The following ZNF219 variants were observed in gnomAD, a reference collection of about 807,000 sequenced individuals.
ZNF219 encodes zinc finger protein 219.
Under a neutral mutation model 54.4 loss-of-function variants are expected in ZNF219, and 17 were observed. That is an observed-to-expected ratio of 0.31 (90% CI 0.21 to 0.47). The LOEUF is 0.47. ZNF219 is among the 20% of genes least tolerant of loss of function. The pLI, the probability that ZNF219 is intolerant of heterozygous loss-of-function variation, is 1.00. For missense variants in ZNF219, 1,014 were observed against 1,062.3 expected (o/e 0.95, Z 0.63); for synonymous variants, 518 against 476.4 (o/e 1.09, Z -1.14).
chr14:21,090,787 C>T lies in ZNF219; in HGVS notation c.1918G>A (p.Gly640Arg). The T allele has an allele frequency of 2.5e-6, 4 of 1,588,216 alleles. No homozygotes were observed. The highest frequency in any genetic ancestry group is 2.3e-5 in the East Asian group (1 of 43,722). ...CAGCGGTGGAGGGCACCCCCAGGCC[C>T]GGCCTCGCCTCCCGGCCCTGCCCGC... is the stretch of plus-strand genomic sequence containing the variant. ...SLRAGPGGEAGPGGALHRCLF... is the reference protein window; with the variant it reads ...SLRAGPGGEARPGGALHRCLF... The change falls in exon 5 of 5, where the codon GGG becomes AGG. Residue 640 changes from glycine (G) to arginine (R), a missense_variant. Gly to Arg is a moderately radical substitution (Grantham distance 125). Transcript: ENST00000360947. The surrounding 1 kb of genome is among the most constrained non-coding windows in gnomAD (Gnocchi z 4.4).
chr14:21,103,646 T>C (rs1033794502), upstream of ZNF219: 1 of 177,818 alleles, frequency 5.6e-6, no homozygotes, highest in African/African-American at 2.4e-5. Context: ...TCCTTTCTAC[T>C]GTAGCGGAGA....
In ZNF219 at chr14:21,093,051, G is replaced by T. The variant is rs769448843; in HGVS notation, c.246C>A (p.Ala82=). The T allele has an allele frequency of 6.2e-7, 1 of 1,600,238 alleles. No individual in the cohort carries two copies. The highest frequency in any genetic ancestry group is 1.1e-5 in the South Asian group (1 of 90,316). The part of the protein sequence containing the change: ...LALHLRAHPG[A]QAFQCPHCGH... ...CGCAGTGAGGGCACTGGAAGGCCTG[G>T]GCTCCTGGGTGCGCCCGCAGGTGCA... Residue 82 remains alanine, a synonymous_variant, in exon 3 of 5, where the codon GCC becomes GCA. Transcript: ENST00000360947.
upstream of ZNF219, chr14:21,101,432 G>A: frequency 6.4e-7 from 1 of 1,551,442 alleles, no homozygotes; most frequent in Non-Finnish European, 8.7e-7. Context: ...AGGCAGAGTG[G>A]GCACCTCTTG....
chr14:21,093,180 C>G lies in ZNF219; in HGVS notation c.117G>C (p.Ser39=), dbSNP rs777433582. The G allele has an allele frequency of 6.2e-7, 1 of 1,609,208 alleles. No homozygotes were observed. The highest frequency in any genetic ancestry group is 8.5e-7 in the Non-Finnish European group (1 of 1,179,308). Residue 39 remains serine, a synonymous_variant, in exon 3 of 5, where the codon TCG becomes TCC. Coordinates refer to ENST00000360947, the MANE Select transcript of ZNF219 (RefSeq NM_016423.3). ...ACCAGCTCACCGCTCCCATCCCGAGCGACCCTGCGCTCACGGCTGGCCCGT... is the reference window on the plus strand; with the variant it reads ...ACCAGCTCACCGCTCCCATCCCGAGGGACCCTGCGCTCACGGCTGGCCCGT... ...YSNGPAVSAG[S]LGMGAVSWSE...
chr14:21,092,876 C>T lies in ZNF219; in HGVS notation c.421G>A (p.Gly141Arg). The change falls in exon 3 of 5, where the codon GGG becomes AGG. Residue 141 changes from glycine (G) to arginine (R), a missense_variant. Transcript: ENST00000360947. Reference protein sequence around the residue: ...EARLGRARSSGGMQATPATEG... With the variant: ...EARLGRARSSRGMQATPATEG... ...GTGGCAGGGGTGGCCTGCATGCCCC[C>T]TGAGCTTCGGGCTCTCCCCAGTCGG... is the stretch of plus-strand genomic sequence containing the variant. The T allele has an allele frequency of 1.3e-6, 2 of 1,548,086 alleles. No individual in the cohort carries two copies. Among genetic ancestry groups the T allele is most frequent in the Non-Finnish European group, 1.7e-6 (2 of 1,148,310 alleles).
At position 21,092,105 on chromosome 14, in the gene ZNF219, G is replaced by T; in HGVS notation, c.1192C>A (p.Pro398Thr). 1 of 1,530,464 alleles carries T rather than the reference G, an allele frequency of 6.5e-7. No individual in the cohort carries two copies. The allele number at this position is 1,530,464 out of a possible 1,614,324, so 94.8% of individuals were successfully genotyped here. A position where few individuals can be genotyped will look rare whatever the true frequency, so the allele number is the denominator to read the frequency against. Residue 398 changes from proline to threonine, a missense_variant, in exon 3 of 5, where the codon CCC (proline) becomes ACC (threonine). Transcript: ENST00000360947. Reference sequence around the variant, plus strand: ...CCTCCGAAGCTGCGGCCGGGACCGGGCTCAGCACCCTCGCCGTTGGGCCGG... The same window carrying T: ...CCTCCGAAGCTGCGGCCGGGACCGGTCTCAGCACCCTCGCCGTTGGGCCGG... ...EGRPNGEGAE[P>T]GPGRSFGGFR...
chr14:21,101,531 T>G, upstream of ZNF219: 2 of 1,313,356 alleles, frequency 1.5e-6, no homozygotes, highest in Non-Finnish European at 2.1e-6. Context: ...TCCATCCATG[T>G]TAAGTGAGCA....
Position 21,098,408 on chromosome 14 carries a change from G to T in ZNF219, c.-180C>A. 1 of 553,994 alleles carries T rather than the reference G, an allele frequency of 1.8e-6. No homozygotes were observed. The highest frequency in any genetic ancestry group is 7.6e-5 in the South Asian group (1 of 13,228). 34.3% of individuals were successfully genotyped at this position (553,994 alleles called of 1,614,324 possible). A position where few individuals can be genotyped will look rare whatever the true frequency, so the allele number is the denominator to read the frequency against. On this transcript the variant is annotated 5_prime_UTR_variant, in exon 1 of 5. Coordinates refer to ENST00000360947, the MANE Select transcript of ZNF219 (RefSeq NM_016423.3). Reference sequence around the variant, plus strand: ...GGGCGTCAGCGTTACGTGGGGCCGGGGGAGATGCGCCGGGCCCCGGCCCCC... The same window carrying T: ...GGGCGTCAGCGTTACGTGGGGCCGGTGGAGATGCGCCGGGCCCCGGCCCCC...
Position 21,093,618 on chromosome 14 carries a change from G to A in ZNF219, c.-27C>T. The stretch of plus-strand genomic sequence containing the variant: ...GACCCCCTTCACATTCTTTGGTTCT[G>A]GGAAGTGCAGGGAAGAGGAGGAAAA... On this transcript the variant is annotated 5_prime_UTR_variant, in exon 2 of 5. Coordinates refer to ENST00000360947, the MANE Select transcript of ZNF219 (RefSeq NM_016423.3). The A allele has an allele frequency of 6.2e-7, 1 of 1,614,102 alleles. No individual in the cohort carries two copies. The highest frequency in any genetic ancestry group is 8.5e-7 in the Non-Finnish European group (1 of 1,180,004).
upstream of ZNF219, chr14:21,103,328 C>T: frequency 6.7e-7 from 1 of 1,500,244 alleles, no homozygotes; most frequent in Non-Finnish European, 8.9e-7. Flanking sequence ...TCCTTCGAGT[C>T]CAATAGGAAG....
In ZNF219 at chr14:21,090,209, C is replaced by G. The variant is rs1177279680; in HGVS notation, c.*327G>C. ...GGTACAGTGCCCCCCACCCTCACCC[C>G]TTGTACAAAAATAAACTCTCACGCC... On this transcript the variant is annotated 3_prime_UTR_variant, in exon 5 of 5. Transcript: ENST00000360947. The surrounding 1 kb of genome is among the most constrained non-coding windows in gnomAD (Gnocchi z 4.4). 1.7e-6 allele frequency: 1 copy of G among 580,134 alleles called. No homozygotes were observed. Among genetic ancestry groups the G allele is most frequent in the Non-Finnish European group, 3.3e-6 (1 of 306,282 alleles). 35.9% of individuals were successfully genotyped at this position (580,134 alleles called of 1,614,324 possible).
Position 21,092,807 on chromosome 14 carries a change from G to A in ZNF219, c.490C>T (p.Arg164Cys). 6.3e-7 allele frequency: 1 copy of A among 1,578,952 alleles called. No homozygotes were observed. The highest frequency in any genetic ancestry group is 1.3e-5 in the African/African-American group (1 of 74,184). Residue 164 changes from arginine (R) to cysteine (C), a missense_variant, in exon 3 of 5, where the codon CGT becomes TGT. By Grantham distance (180) the Arg-to-Cys change is radical. Around this residue, in one of 5 missense-constraint regions of ZNF219, gnomAD observed 395 missense variants for 415.1 expected, o/e 0.95. Coordinates refer to ENST00000360947, the MANE Select transcript of ZNF219 (RefSeq NM_016423.3). ...RPQAPSSSAF[R>C]CPYCKGKFRT... The stretch of plus-strand genomic sequence containing the variant: ...AACTTGCCTTTGCAGTAGGGGCAAC[G>A]GAAGGCGGACGATGAAGGAGCCTGG...
In ZNF219 at chr14:21,098,617, A is replaced by G. The variant is rs1314607938; in HGVS notation, c.-389T>C. On this transcript the variant is annotated 5_prime_UTR_variant, in exon 1 of 5. Transcript: ENST00000360947. Reference sequence around the variant, plus strand: ...AGCTGGGGACCCCGGGAGCCGCGAGAGGCGGCCGCCAGGGGCGGGGTGCGG... The same window carrying G: ...AGCTGGGGACCCCGGGAGCCGCGAGGGGCGGCCGCCAGGGGCGGGGTGCGG... The G allele has an allele frequency of 9.9e-6, 10 of 1,011,832 alleles. No homozygotes were observed. The allele number at this position is 1,011,832 out of a possible 1,614,324, so 62.7% of individuals were successfully genotyped here. A position where few individuals can be genotyped will look rare whatever the true frequency, so the allele number is the denominator to read the frequency against.
chr14:21,100,057 A>G (rs935395672), upstream of ZNF219, among the ~76,000 whole-genome samples: 30 of 152,160 alleles, frequency 2.0e-4, no homozygotes, highest in African/African-American at 7.0e-4. Flanking sequence ...TGAGGTGCGA[A>G]TAGGTAGAAA....
chr14:21,102,227 G>A (rs1291502491), upstream of ZNF219: 2 of 1,430,934 alleles, frequency 1.4e-6, no homozygotes, highest in Non-Finnish European at 1.9e-6. Context: ...TCTCTCAGCT[G>A]TCACCACTGA....
chr14:21,090,390 GCCCGCCGCGCCTTCCA>G lies in ZNF219; in HGVS notation c.*130_*145del. On this transcript the variant is annotated 3_prime_UTR_variant, in exon 5 of 5. Transcript: ENST00000360947. The surrounding 1 kb of genome is among the most constrained non-coding windows in gnomAD (Gnocchi z 4.4). ...GGGTACCGCCAGCCCACCCTCCTACGCCCGCCGCGCCTTCCACCTCTGGTCCGCCTGGGGCTGGGAT... is the reference window on the plus strand; with the variant it reads ...GGGTACCGCCAGCCCACCCTCCTACGCCTCTGGTCCGCCTGGGGCTGGGAT... 5.3e-6 allele frequency: 6 copies of G among 1,135,414 alleles called. No individual in the cohort carries two copies. Among genetic ancestry groups the G allele is most frequent in the Non-Finnish European group, 7.4e-6 (6 of 810,022 alleles). The allele number at this position is 1,135,414 out of a possible 1,614,324, so 70.3% of individuals were successfully genotyped here. A position where few individuals can be genotyped will look rare whatever the true frequency, so the allele number is the denominator to read the frequency against.
chr14:21,092,951 C>A lies in ZNF219; in HGVS notation c.346G>T (p.Ala116Ser). The A allele has an allele frequency of 1.3e-6, 2 of 1,581,466 alleles. No homozygotes were observed. The highest frequency in any genetic ancestry group is 1.7e-6 in the Non-Finnish European group (2 of 1,165,526). Residue 116 changes from alanine (A) to serine (S), a missense_variant, in exon 3 of 5, where the codon GCT (alanine) becomes TCT (serine). Coordinates refer to ENST00000360947, the MANE Select transcript of ZNF219 (RefSeq NM_016423.3). ...THQPERPRSP[A>S]ARLLLELEER... ...TCCAACTCCAGCAACAGGCGTGCAGCAGGACTACGTGGGCGCTCGGGCTGG... is the reference window on the plus strand; with the variant it reads ...TCCAACTCCAGCAACAGGCGTGCAGAAGGACTACGTGGGCGCTCGGGCTGG...
rs1194697276 is a variant in ZNF219, at chr14:21,092,582, C to T, written c.715G>A (p.Glu239Lys). The T allele has an allele frequency of 1.9e-6, 3 of 1,544,818 alleles. No individual in the cohort carries two copies. Among genetic ancestry groups the T allele is most frequent in the East Asian group, 2.4e-5 (1 of 41,168 alleles). Reference protein sequence around the residue: ...QPQPQPPPQPEPRSVPQPEPE... With the variant: ...QPQPQPPPQPKPRSVPQPEPE... Reference sequence around the variant, plus strand: ...TCCGGCTGGGGGACTGATCTGGGTTCGGGCTGGGGTGGAGGCTGAGGCTGA... The same window carrying T: ...TCCGGCTGGGGGACTGATCTGGGTTTGGGCTGGGGTGGAGGCTGAGGCTGA... Residue 239 changes from glutamate (E) to lysine (K), a missense_variant, in exon 3 of 5, where the codon GAA (glutamate) becomes AAA (lysine). Coordinates refer to ENST00000360947, the MANE Select transcript of ZNF219 (RefSeq NM_016423.3).
chr14:21,103,032 C>G, upstream of ZNF219: 1 of 1,523,900 alleles, frequency 6.6e-7, no homozygotes, highest in Non-Finnish European at 8.9e-7. Flanking sequence ...ATTGGCAGGA[C>G]TATGGGAAAC....
Sources: allele counts gnomAD v4.1 joint callset (sites outside exome capture counted in the v4.1 genomes callset), GRCh38; gene constraint gnomAD v4.1.1; regional missense constraint gnomAD v4.1.1; non-coding constraint Gnocchi (gnomAD v3.1); transcripts MANE v1.5; gene names NCBI Gene and HGNC (gene_info 2026-07-23, HGNC 2026-07-21).